The following GTF2A1 variants were observed in gnomAD, a reference collection of about 807,000 sequenced individuals.
The protein encoded by GTF2A1 is transcription initiation factor IIA subunit 1.
Under a neutral mutation model 54.1 loss-of-function variants are expected in GTF2A1, and 12 were observed. The ratio of observed to expected loss-of-function variants is 0.22; its 90% CI spans 0.14 to 0.36. The LOEUF is 0.36. Ranked by LOEUF, GTF2A1 falls within the 10% of genes least tolerant of loss-of-function variation. The pLI, the probability that GTF2A1 is intolerant of heterozygous loss-of-function variation, is 1.00. For missense variants in GTF2A1, 335 were observed against 442.2 expected (o/e 0.76, Z 2.17); for synonymous variants, 145 against 152.0 (o/e 0.95, Z 0.34).
chr14:81,180,462 T>A, intron 8 of GTF2A1, 132 bp from the exon 9 acceptor site: 2 of 525,404 alleles, frequency 3.8e-6, no homozygotes, highest in Non-Finnish European at 6.9e-6. Context: ...GTATTGTATT[T>A]GCAAATTGGT....
rs1324379164 is a variant in GTF2A1, at chr14:81,178,670, TTTC to T, written c.*1550_*1552del. ...GAAACACTATATAATAGCTCACAGT[TTTC>T]TTCTCTGTAATGTACTTTAAAAAGT... On this transcript the variant is annotated 3_prime_UTR_variant, in exon 9 of 9. Transcript: ENST00000553612. The T allele has an allele frequency of 1.3e-5, 2 of 152,190 alleles. No individual in the cohort carries two copies. Among genetic ancestry groups the T allele is most frequent in the South Asian group, 2.1e-4 (1 of 4,834 alleles). 9.4% of individuals were successfully genotyped at this position (152,190 alleles called of 1,614,324 possible).
chr14:81,210,337 CTTAATT>C (rs1409989794), intron 2 of GTF2A1, among the ~76,000 whole-genome samples: 6 of 152,122 alleles, frequency 3.9e-5, no homozygotes, highest in East Asian at 1.9e-4. Flanking sequence ...TTCACACAAT[CTTAATT>C]TTATTTATCA....
At chr14:81,204,478 C>T (rs1284441943) in intron 2 of GTF2A1, among the ~76,000 whole-genome samples, 1 of 152,112 alleles carries the variant, frequency 6.6e-6, no homozygotes, top group African/African-American at 2.4e-5. Context: ...TTATATGGAA[C>T]TTTTTCCTTA....
In GTF2A1 at chr14:81,175,771, G is replaced by T. The variant is rs1200219662; in HGVS notation, c.*4452C>A. 1 of 152,026 alleles carries T rather than the reference G, an allele frequency of 6.6e-6. No individual in the cohort carries two copies. Among genetic ancestry groups the T allele is most frequent in the Admixed American group, 6.6e-5 (1 of 15,258 alleles). The allele number at this position is 152,026 out of a possible 1,614,324, so 9.4% of individuals were successfully genotyped here. A position where few individuals can be genotyped will look rare whatever the true frequency, so the allele number is the denominator to read the frequency against. On this transcript the variant is annotated 3_prime_UTR_variant, in exon 9 of 9. Transcript: ENST00000553612. ...TTTATCCTAAGTAATCTATACTTTG[G>T]AGTAGAAATACTTATTTAATACAAT...
chr14:81,198,112 T>A (rs557986568), intron 4 of GTF2A1, among the ~76,000 whole-genome samples: 2 of 152,286 alleles, frequency 1.3e-5, no homozygotes, highest in South Asian at 4.1e-4. Context: ...AGGTGAAACA[T>A]GCATTAATAA....
chr14:81,209,203 G>A (rs1893307876), intron 2 of GTF2A1, among the ~76,000 whole-genome samples: 1 of 152,188 alleles, frequency 6.6e-6, no homozygotes, highest in African/African-American at 2.4e-5. Flanking sequence ...GGAGGTAACT[G>A]AATCATAGGG....
rs1892906286 is a variant in GTF2A1 at position 81,192,805 on chromosome 14, T to C, written c.647A>G (p.Gln216Arg). The change falls in exon 7 of 9, where the codon CAG (glutamine) becomes CGG (arginine). Residue 216 changes from glutamine (Q) to arginine (R), a missense_variant. Physicochemically the swap from Gln to Arg is conservative, Grantham distance 43 (BLOSUM62 1). This residue lies in a region of GTF2A1 where 306 missense variants were observed against 360.4 expected (regional missense o/e 0.85). Transcript: ENST00000553612. ...CTGAGGCTGGATGATGACACCTGTC[T>C]GTGGTGAAATCCCTCCAGGAAGAGG... is the stretch of plus-strand genomic sequence containing the variant. ...LAPLPGGISP[Q>R]TGVIIQPQQI... 2 of 1,613,066 alleles carry C rather than the reference T, an allele frequency of 1.2e-6. No individual in the cohort carries two copies. The highest frequency in any genetic ancestry group is 1.3e-5 in the African/African-American group (1 of 74,914).
In GTF2A1 at chr14:81,178,571, G is replaced by A. The variant is rs1892575547; in HGVS notation, c.*1652C>T. The A allele has an allele frequency of 6.7e-6, 1 of 148,898 alleles. No individual in the cohort carries two copies. The highest frequency in any genetic ancestry group is 2.5e-5 in the African/African-American group (1 of 40,280). 9.2% of individuals were successfully genotyped at this position (148,898 alleles called of 1,614,324 possible). On this transcript the variant is annotated 3_prime_UTR_variant, in exon 9 of 9. Transcript: ENST00000553612. The stretch of plus-strand genomic sequence containing the variant: ...TAGAACATAAGTTAAAGAGATCAAG[G>A]TGGTAAGCTGGGTGGGAAGTAGAAA...
At chr14:81,197,617 C>T (rs769271146) in intron 4 of GTF2A1, 133 bp from the exon 5 acceptor site, 22 of 539,840 alleles carry the variant, frequency 4.1e-5, no homozygotes, top group Non-Finnish European at 6.7e-5. Flanking sequence ...AAGGCTAAAT[C>T]CCATTTTATA....
At chr14:81,199,047 T>C (rs1893049036) in intron 4 of GTF2A1, among the ~76,000 whole-genome samples, 2 of 152,174 alleles carry the variant, frequency 1.3e-5, no homozygotes, top group African/African-American at 2.4e-5. Context: ...CTTGGCTATA[T>C]AAGCAAATTA....
At chr14:81,181,568 A>C (rs1257838688) in intron 8 of GTF2A1, among the ~76,000 whole-genome samples, 1 of 152,172 alleles carries the variant, frequency 6.6e-6, no homozygotes, top group Admixed American at 6.5e-5. Flanking sequence ...TCTTTGAGAC[A>C]GAGTCTCACT....
intron 4 of GTF2A1, among the ~76,000 whole-genome samples, chr14:81,198,854 C>T (rs1893044848): frequency 6.6e-6 from 1 of 152,172 alleles, no homozygotes; most frequent in Non-Finnish European, 1.5e-5. Context: ...AGTTCAACTA[C>T]TGTCTAGTCT....
At chr14:81,187,441 A>G (rs1441324229) in intron 7 of GTF2A1, among the ~76,000 whole-genome samples, 4 of 152,116 alleles carry the variant, frequency 2.6e-5, no homozygotes, top group Non-Finnish European at 4.4e-5. Context: ...TTCAGGTGCA[A>G]TGAACATTTA....
At position 81,208,405 on chromosome 14, in the gene GTF2A1, A is replaced by G. The variant is rs577242130; in HGVS notation, c.133-4301T>C. Reference sequence around the variant, plus strand: ...TACCTAGATTTCAGAAGATGTATGGAAACGCCTGGATGCCCAAGCAAAAGT... The same window carrying G: ...TACCTAGATTTCAGAAGATGTATGGGAACGCCTGGATGCCCAAGCAAAAGT... On this transcript the variant is annotated intron_variant, in intron 2 of 8. Transcript: ENST00000553612. Among the ~76,000 whole-genome samples the G allele has an allele frequency of 4.6e-5, 7 of 152,342 alleles. No homozygotes were observed. The South Asian group carries it at 6.2e-4, about 14-fold the overall frequency.
intron 2 of GTF2A1, among the ~76,000 whole-genome samples, chr14:81,206,285 GTCTAT>G (rs1486286111): frequency 1.3e-5 from 2 of 152,072 alleles, no homozygotes; most frequent in Admixed American, 1.3e-4. Flanking sequence ...CACCATTATT[GTCTAT>G]TCTGATTCAG....
At chr14:81,217,899 T>C (rs2140045330) in intron 1 of GTF2A1, among the ~76,000 whole-genome samples, 1 of 152,360 alleles carries the variant, frequency 6.6e-6, no homozygotes, top group Admixed American at 6.5e-5. Flanking sequence ...TCTGGGTTCT[T>C]GCTTTACTGT....
chr14:81,190,372 C>G (rs1892850528), intron 7 of GTF2A1, among the ~76,000 whole-genome samples: 1 of 151,368 alleles, frequency 6.6e-6, no homozygotes, highest in African/African-American at 2.4e-5. Context: ...AACAGAAAAT[C>G]ACACAGTATC....
At chr14:81,206,733 T>A (rs1015274074) in intron 2 of GTF2A1, among the ~76,000 whole-genome samples, 7 of 152,170 alleles carry the variant, frequency 4.6e-5, no homozygotes, top group Admixed American at 3.3e-4. Flanking sequence ...TAGTGATTCA[T>A]AGTCAATTTA....
chr14:81,193,895 A>T (rs936481796), intron 6 of GTF2A1, among the ~76,000 whole-genome samples: 1 of 152,114 alleles, frequency 6.6e-6, no homozygotes, highest in African/African-American at 2.4e-5. Flanking sequence ...GTAACAACAC[A>T]AAAGACAAAA....
Sources: gnomAD v4.1 joint callset for allele counts (sites outside exome capture counted in the v4.1 genomes callset) on GRCh38, gnomAD v4.1.1 for gene constraint, gnomAD v4.1.1 regional missense constraint, MANE v1.5 for transcripts, NCBI Gene and HGNC (gene_info 2026-07-23, HGNC 2026-07-21) for gene names.